Variants in SASH1 observed in about 807,000 individuals in gnomAD.
SASH1 encodes SAM and SH3 domain-containing protein 1.
A neutral mutation model predicts 125.2 loss-of-function variants in SASH1; 44 were observed. The observed-to-expected ratio is 0.35, with a 90% CI of 0.28 to 0.45. The LOEUF (loss-of-function observed/expected upper bound fraction) is 0.45, where lower values mean the gene tolerates loss of function less well. Among genes scored for constraint, SASH1 ranks in the 20% least tolerant of loss-of-function variants. The pLI, the probability that SASH1 is intolerant of heterozygous loss-of-function variation, is 1.00. For missense variants in SASH1, 1,426 were observed against 1,614.5 expected, an observed-to-expected ratio of 0.88 and a Z score of 2.00; for synonymous variants, 639 against 649.1, an observed-to-expected ratio of 0.98 and a Z score of 0.24.
chr6:148,512,029 A>ATTTATTTATTTAT (rs1554267078), intron 8 of SASH1, among the ~76,000 whole-genome samples: 1 of 145,434 alleles, frequency 6.9e-6, no homozygotes, highest in African/African-American at 2.5e-5. Context: ...TTATTTATTT[A>ATTTATTTATTTAT]TTTTTTTGAG....
intron 5 of SASH1, among the ~76,000 whole-genome samples, chr6:148,470,696 G>T (rs1235834452): frequency 6.6e-6 from 1 of 152,190 alleles, no homozygotes; most frequent in Non-Finnish European, 1.5e-5. Context: ...AGGATCGGGG[G>T]TGCGGTGGGT....
At chr6:148,360,224 T>A (rs79378354) in intron 1 of SASH1, among the ~76,000 whole-genome samples, 11 of 152,086 alleles carry the variant, frequency 7.2e-5, no homozygotes, top group Admixed American at 6.6e-5. Context: ...TTTTTTTTTT[T>A]AATCTAGTCA....
intron 4 of SASH1, among the ~76,000 whole-genome samples, chr6:148,452,675 G>T (rs558339388): frequency 1.3e-5 from 2 of 149,028 alleles, no homozygotes; most frequent in Non-Finnish European, 3.0e-5. Flanking sequence ...CCTGGCACGC[G>T]ATAGGTGCTC....
At chr6:148,253,586 C>T in the SASH1 span, among the ~76,000 whole-genome samples, 1 of 152,096 alleles carries the variant, frequency 6.6e-6, no homozygotes, top group African/African-American at 2.4e-5. Context: ...TTTAAAAGAC[C>T]CATTGGCCGG....
intron 1 of SASH1, among the ~76,000 whole-genome samples, chr6:148,389,108 A>C (rs771542275): frequency 1.3e-5 from 2 of 152,208 alleles, no homozygotes; most frequent in African/African-American, 4.8e-5. Context: ...CTAAAGGAAG[A>C]CTATAGTGTG....
chr6:148,453,400 G>T (rs969107296), intron 4 of SASH1, among the ~76,000 whole-genome samples: 1 of 152,214 alleles, frequency 6.6e-6, no homozygotes, highest in Non-Finnish European at 1.5e-5. Flanking sequence ...CTACAGCTTA[G>T]TGCGTGCTCC....
At chr6:148,386,502 G>C (rs1036044477) in intron 1 of SASH1, among the ~76,000 whole-genome samples, 18 of 152,168 alleles carry the variant, frequency 1.2e-4, no homozygotes, top group African/African-American at 4.1e-4. Context: ...GACAGAGAGA[G>C]TGATGGATTT....
intron 1 of SASH1, among the ~76,000 whole-genome samples, chr6:148,319,756 C>T (rs1780591428): frequency 2.0e-5 from 3 of 152,058 alleles, no homozygotes; most frequent in South Asian, 4.1e-4. Flanking sequence ...TCAGGTGATC[C>T]GCAAGTCTTG....
At chr6:148,257,050 T>C in the SASH1 span, among the ~76,000 whole-genome samples, 12 of 152,134 alleles carry the variant, frequency 7.9e-5, no homozygotes, top group African/African-American at 2.7e-4. Flanking sequence ...AATGAGTGAA[T>C]CGTATACTAT....
At chr6:148,461,183 T>C (rs1345842096) in intron 4 of SASH1, among the ~76,000 whole-genome samples, 2 of 152,174 alleles carry the variant, frequency 1.3e-5, no homozygotes, top group Admixed American at 6.5e-5. Flanking sequence ...AAGGCTTAGA[T>C]TGGTGGCAGC....
the SASH1 span, among the ~76,000 whole-genome samples, chr6:148,250,097 T>G: frequency 6.6e-6 from 1 of 152,304 alleles, no homozygotes; most frequent in Middle Eastern, 3.4e-3. Flanking sequence ...CCAGGGCCTG[T>G]GCTCTTAGCA....
intron 4 of SASH1, among the ~76,000 whole-genome samples, chr6:148,468,073 C>T (rs1288016159): frequency 6.6e-6 from 1 of 152,212 alleles, no homozygotes; most frequent in Non-Finnish European, 1.5e-5. Flanking sequence ...CACTCAATAT[C>T]CTGTTGTGGG....
At chr6:148,281,628 A>G (rs973452615) in intron 1 of SASH1, among the ~76,000 whole-genome samples, 5 of 152,134 alleles carry the variant, frequency 3.3e-5, no homozygotes, top group African/African-American at 1.2e-4. Context: ...CGAATTTTAA[A>G]AAGAAAATTC....
At chr6:148,310,192 C>T (rs963950601) in intron 1 of SASH1, among the ~76,000 whole-genome samples, 4 of 151,868 alleles carry the variant, frequency 2.6e-5, no homozygotes, top group East Asian at 3.9e-4. Context: ...TGTGGTGGTG[C>T]GTGCCTGTAG....
intron 1 of SASH1, among the ~76,000 whole-genome samples, chr6:148,372,918 G>T (rs536661292): frequency 6.6e-6 from 1 of 152,266 alleles, no homozygotes; most frequent in Non-Finnish European, 1.5e-5. Flanking sequence ...TAAGGGGCCG[G>T]GCACGGTGGC....
In SASH1 at chr6:148,519,430, G is replaced by A; in HGVS notation, c.863-117G>A. 1.4e-6 allele frequency: 1 copy of A among 700,128 alleles called. No homozygotes were observed. 43.4% of individuals were successfully genotyped at this position (700,128 alleles called of 1,614,324 possible). A position where few individuals can be genotyped will look rare whatever the true frequency, so the allele number is the denominator to read the frequency against. On this transcript the variant is annotated intron_variant, in intron 9 of 19. Transcript: ENST00000367467. The surrounding 1 kb of genome is among the most constrained non-coding windows in gnomAD (Gnocchi z 4.8). ...TTTTCATTTTTCTGTACATATGTAA[G>A]TGGGAGCTGGGTTTATAAAGAGGGT...
chr6:148,405,119 CCCTCTTCCTTTT>C (rs1344628550), intron 2 of SASH1, among the ~76,000 whole-genome samples: 2 of 151,972 alleles, frequency 1.3e-5, no homozygotes, highest in African/African-American at 2.4e-5. Context: ...GCCTCTGCTT[CCCTCTTCCTTTT>C]CCTCTTCCTA....
At chr6:148,324,131 A>AAAAAAAAAAAAT in intron 1 of SASH1, among the ~76,000 whole-genome samples, 1 of 150,220 alleles carries the variant, frequency 6.7e-6, no homozygotes, top group Non-Finnish European at 1.5e-5. Context: ...AAAAAAAAAA[A>AAAAAAAAAAAAT]AAAAACAAGC....
At chr6:148,333,047 T>G (rs546417406) in intron 1 of SASH1, among the ~76,000 whole-genome samples, 1 of 152,168 alleles carries the variant, frequency 6.6e-6, no homozygotes, top group African/African-American at 2.4e-5. Flanking sequence ...TTTAATACAC[T>G]GTATTCTATT....
Sources: gnomAD v4.1 joint callset for allele counts (sites outside exome capture counted in the v4.1 genomes callset) on GRCh38, gnomAD v4.1.1 for gene constraint, Gnocchi (gnomAD v3.1) non-coding constraint, MANE v1.5 for transcripts, NCBI Gene and HGNC (gene_info 2026-07-23, HGNC 2026-07-21) for gene names.